CHN1: variants seen among roughly 807,000 people sequenced by gnomAD.
CHN1 encodes chimerin 1.
A neutral mutation model predicts 59.5 loss-of-function variants in CHN1; 37 were observed. The observed-to-expected ratio is 0.62, with a 90% CI of 0.48 to 0.82. The LOEUF is 0.82. CHN1 is among the 40% of genes least tolerant of loss of function. The pLI is 0.00. For synonymous variants in CHN1, 206 were observed against 200.4 expected (o/e 1.03, Z -0.24); for missense variants, 469 against 571.0 (o/e 0.82, Z 1.82).
At chr2:174,900,040 C>G (rs1214452427) in intron 5 of CHN1, among the ~76,000 whole-genome samples, 1 of 152,134 alleles carries the variant, frequency 6.6e-6, no homozygotes, top group Non-Finnish European at 1.5e-5. Context: ...CAACAATCCC[C>G]AAATATATTC....
At chr2:174,854,168 ATATTC>A (rs1052228388) in intron 6 of CHN1, among the ~76,000 whole-genome samples, 2 of 152,322 alleles carry the variant, frequency 1.3e-5, no homozygotes, top group Admixed American at 6.5e-5. Flanking sequence ...TTAAAATACT[ATATTC>A]TATTTTTCTC....
intron 3 of CHN1, among the ~76,000 whole-genome samples, chr2:174,932,971 T>G (rs888781579): frequency 1.3e-5 from 2 of 152,218 alleles, no homozygotes; most frequent in African/African-American, 4.8e-5. Context: ...TCTGGACATA[T>G]TCCAAAGATA....
chr2:174,851,415 G>A (rs570922791), intron 6 of CHN1, among the ~76,000 whole-genome samples: 1 of 152,238 alleles, frequency 6.6e-6, no homozygotes, highest in African/African-American at 2.4e-5. Context: ...GAGTAGCAGG[G>A]ACTAGAGGCA....
chr2:174,977,389 TC>T (rs1267748200), intron 1 of CHN1, among the ~76,000 whole-genome samples: 1 of 152,224 alleles, frequency 6.6e-6, no homozygotes. Flanking sequence ...AGAAAAATCT[TC>T]CTCTGTCAAA....
intron 5 of CHN1, among the ~76,000 whole-genome samples, chr2:174,887,293 G>A (rs1687922128): frequency 6.6e-6 from 1 of 151,752 alleles, no homozygotes; most frequent in Non-Finnish European, 1.5e-5. Flanking sequence ...CAACCTATTA[G>A]ATGAAAAAAA....
intron 7 of CHN1, 30 bp from the exon 8 acceptor site, chr2:174,824,548 G>A (rs1685618595): frequency 6.8e-7 from 1 of 1,472,508 alleles, no homozygotes; most frequent in Non-Finnish European, 9.3e-7. Context: ...GCAAAGTCAG[G>A]AAAGGGGAAA....
rs1211907844 is a variant in CHN1, at chr2:174,800,064, A to G, written c.*52T>C. On this transcript the variant is annotated 3_prime_UTR_variant, in exon 13 of 13. Coordinates refer to ENST00000409900, the MANE Select transcript of CHN1 (RefSeq NM_001822.7). The stretch of plus-strand genomic sequence containing the variant: ...AGCTACAGGAGCAAATTAAATTACT[A>G]TAAAACATTCCTTCATCTGTAAAAC... The G allele has an allele frequency of 2.0e-5, 29 of 1,477,734 alleles. No individual in the cohort carries two copies. Among genetic ancestry groups the G allele is most frequent in the Middle Eastern group, 1.7e-4 (1 of 5,804 alleles). 91.5% of individuals were successfully genotyped at this position (1,477,734 alleles called of 1,614,324 possible).
intron 5 of CHN1, among the ~76,000 whole-genome samples, chr2:174,879,363 A>G (rs887234945): frequency 2.0e-5 from 3 of 152,226 alleles, no homozygotes; most frequent in Non-Finnish European, 2.9e-5. Flanking sequence ...TTAGACTTTA[A>G]TAACAATTTA....
rs538289895 is a variant in CHN1 at position 174,851,447 on chromosome 2, T to G, written c.550-4490A>C. Among the ~76,000 whole-genome samples the G allele has an allele frequency of 2.0e-5, 3 of 152,148 alleles. No individual in the cohort carries two copies. The South Asian group carries it at 6.2e-4, about 32-fold the overall frequency. ...GGCACATGCCACTACACCCAGATAA[T>G]TCTTGTATTTTTTTTCTAGAGATGG... is the stretch of plus-strand genomic sequence containing the variant. On this transcript the variant is annotated intron_variant, in intron 6 of 12. Transcript: ENST00000409900.
chr2:174,932,591 CTG>C (rs1478859431), intron 3 of CHN1, among the ~76,000 whole-genome samples: 1 of 152,180 alleles, frequency 6.6e-6, no homozygotes, highest in Non-Finnish European at 1.5e-5. Context: ...TGGTTTAGAT[CTG>C]TGTCTCCACC....
chr2:174,833,785 A>T, intron 7 of CHN1, among the ~76,000 whole-genome samples: 1 of 139,710 alleles, frequency 7.2e-6, no homozygotes. Flanking sequence ...AAGGTCTAGA[A>T]CATACACATC....
rs189469148 is a variant in CHN1 at position 174,852,736 on chromosome 2, C to T, written c.550-5779G>A. Among the ~76,000 whole-genome samples the T allele has an allele frequency of 7.2e-5, 11 of 152,198 alleles. No individual in the cohort carries two copies. The East Asian group carries it at 1.5e-3, about 21-fold the overall frequency. On this transcript the variant is annotated intron_variant, in intron 6 of 12. Coordinates refer to ENST00000409900, the MANE Select transcript of CHN1 (RefSeq NM_001822.7). ...AGGTACTGGTACAAAAACAGACACA[C>T]AGACCAATGGAAGAGAGCAGAATAC... is the stretch of plus-strand genomic sequence containing the variant.
intron 5 of CHN1, among the ~76,000 whole-genome samples, chr2:174,897,401 GATAAA>G (rs984931983): frequency 2.6e-5 from 4 of 151,466 alleles, no homozygotes; most frequent in African/African-American, 7.3e-5. Context: ...ATTATCAACA[GATAAA>G]ATAAATCTCT....
At chr2:174,823,365 G>A (rs1005784998) in intron 8 of CHN1, among the ~76,000 whole-genome samples, 2 of 152,180 alleles carry the variant, frequency 1.3e-5, no homozygotes, top group African/African-American at 4.8e-5. Context: ...GCCTATGTCA[G>A]AATTTAGAGT....
At chr2:174,982,309 A>G (rs1691180911) in intron 1 of CHN1, among the ~76,000 whole-genome samples, 1 of 152,156 alleles carries the variant, frequency 6.6e-6, no homozygotes, top group Non-Finnish European at 1.5e-5. Flanking sequence ...TTGGGTATAT[A>G]CCCAGTAACA....
chr2:174,847,773 C>CAAAAAAAAAAAAAAAAAAAAAAAAA (rs71031072), intron 6 of CHN1: 21 of 238,424 alleles, frequency 8.8e-5, no homozygotes, highest in Non-Finnish European at 1.1e-4. Flanking sequence ...TGGCTCAAGG[C>CAAAAAAAAAAAAAAAAAAAAAAAAA]AAAAAAAAAA....
At chr2:174,965,480 T>C (rs939241214) in intron 1 of CHN1, among the ~76,000 whole-genome samples, 2 of 152,138 alleles carry the variant, frequency 1.3e-5, no homozygotes, top group African/African-American at 4.8e-5. Context: ...CCAAAGGCTG[T>C]TACAACTTTT....
chr2:174,852,919 T>C (rs1005996909), intron 6 of CHN1, among the ~76,000 whole-genome samples: 1 of 152,198 alleles, frequency 6.6e-6, no homozygotes, highest in Non-Finnish European at 1.5e-5. Flanking sequence ...GAATGAAAAT[T>C]GGATCCTTAC....
At position 174,800,315 on chromosome 2, in the gene CHN1, G is replaced by A. The variant is rs1349599184; in HGVS notation, c.1209-28C>T. ...GAAAAATGCAAGTACAGGAATAAAT[G>A]ACTTTGTGTAAGCCATATGTTCTTC... On this transcript the variant is annotated intron_variant, in intron 12 of 12. Transcript: ENST00000409900. The A allele has an allele frequency of 2.8e-6, 4 of 1,412,278 alleles. No individual in the cohort carries two copies. In the East Asian group the frequency reaches 9.7e-5, roughly 34 times the overall value. 87.5% of individuals were successfully genotyped at this position (1,412,278 alleles called of 1,614,324 possible).
Sources: allele counts gnomAD v4.1 joint callset (sites outside exome capture counted in the v4.1 genomes callset), GRCh38; gene constraint gnomAD v4.1.1; transcripts MANE v1.5; gene names NCBI Gene and HGNC (gene_info 2026-07-23, HGNC 2026-07-21).